The following TRPV2 variants were observed in gnomAD, a reference collection of about 807,000 sequenced individuals.
The protein encoded by TRPV2 is transient receptor potential cation channel subfamily V member 2.
In TRPV2, 58 loss-of-function variants were observed where a neutral mutation model predicts 91.0. That is an observed-to-expected ratio of 0.64 (90% confidence interval 0.52 to 0.79). The LOEUF is 0.79. Ranked by LOEUF, TRPV2 falls within the 30% of genes least tolerant of loss-of-function variation. The pLI is 0.00. For missense variants in TRPV2, 807 were observed against 969.6 expected, an observed-to-expected ratio of 0.83 and a Z score of 2.23; for synonymous variants, 417 against 414.8, an observed-to-expected ratio of 1.01 and a Z score of -0.06.
intron 3 of TRPV2, among the ~76,000 whole-genome samples, chr17:16,420,564 A>G (rs2093352154): frequency 6.6e-6 from 1 of 152,214 alleles, no homozygotes. Context: ...GTTGAGATAT[A>G]ATATATAATG....
rs1416493778 is a variant in TRPV2 at position 16,431,303 on chromosome 17, T to A, written c.1588-481T>A. ...TATATATATACATATTTTTTTTTTT[T>A]TTTTTTTTGAGACGAAGTCTCACTC... On this transcript the variant is annotated intron_variant, in intron 10 of 14. Coordinates refer to ENST00000338560, the MANE Select transcript of TRPV2 (RefSeq NM_016113.5). Among the ~76,000 whole-genome samples, 85 of 126,334 alleles carry A rather than the reference T, an allele frequency of 6.7e-4. 1 individual carries two copies. Among genetic ancestry groups the A allele is most frequent in the Non-Finnish European group, 8.0e-4 (49 of 61,296 alleles). 82.9% of individuals were successfully genotyped at this position (126,334 alleles called of 152,430 possible). A position where few individuals can be genotyped will look rare whatever the true frequency, so the allele number is the denominator to read the frequency against.
intron 2 of TRPV2, 76 bp from the exon 3 acceptor site, chr17:16,420,039 G>T (rs1418729915): frequency 6.4e-7 from 1 of 1,566,812 alleles, no homozygotes; most frequent in Non-Finnish European, 8.7e-7. Flanking sequence ...CCCTGAAAGG[G>T]CTCCCTGGGA....
At chr17:16,423,995 T>C (rs1048420916) in intron 5 of TRPV2, among the ~76,000 whole-genome samples, 5 of 147,222 alleles carry the variant, frequency 3.4e-5, no homozygotes, top group Non-Finnish European at 7.5e-5. Context: ...AACATTGAGA[T>C]TTTTTTTTTT....
intron 10 of TRPV2, 148 bp from the exon 11 acceptor site, chr17:16,431,636 G>A (rs2093413031): frequency 1.4e-6 from 1 of 704,192 alleles, no homozygotes; most frequent in Non-Finnish European, 2.5e-6. Flanking sequence ...CCTCTGCTCG[G>A]TGTGGCTCCA....
chr17:16,433,398 G>A (rs1022249883), intron 12 of TRPV2, 176 bp from the exon 13 acceptor site: 41 of 855,498 alleles, frequency 4.8e-5, no homozygotes, highest in Non-Finnish European at 6.7e-5. Context: ...GAGGCTGAGG[G>A]CCCAACCCCA....
At chr17:16,420,532 T>A (rs755268594) in intron 3 of TRPV2, among the ~76,000 whole-genome samples, 4 of 152,220 alleles carry the variant, frequency 2.6e-5, no homozygotes, top group African/African-American at 4.8e-5. Flanking sequence ...AATCTTTTTT[T>A]ATCTTTTTTA....
Position 16,434,989 on chromosome 17 carries a change from G to C in TRPV2, c.2194+20G>C, listed in dbSNP as rs2093429463. The C allele has an allele frequency of 6.2e-7, 1 of 1,604,466 alleles. No individual in the cohort carries two copies. The highest frequency in any genetic ancestry group is 8.5e-7 in the Non-Finnish European group (1 of 1,174,820). The stretch of plus-strand genomic sequence containing the variant: ...TCCCTCGTGAGTAGCCTGGTGACTA[G>C]AGCCTCTGCCCTGGGGTGTGTGTCT... On this transcript the variant is annotated intron_variant, in intron 14 of 14. Transcript: ENST00000338560.
At position 16,436,847 on chromosome 17, in the gene TRPV2, T is replaced by G. The variant is rs2093435876; in HGVS notation, c.2253T>G (p.Ser751=). 6.2e-7 allele frequency: 1 copy of G among 1,614,024 alleles called. No homozygotes were observed. The highest frequency in any genetic ancestry group is 8.5e-7 in the Non-Finnish European group (1 of 1,180,002). The part of the protein sequence containing the change: ...SPPKEDEDGA[S]EENYVPVQLL... ...CCAAGGAGGATGAGGATGGTGCCTCTGAGGAAAACTATGTGCCCGTCCAGC... is the reference window on the plus strand; with the variant it reads ...CCAAGGAGGATGAGGATGGTGCCTCGGAGGAAAACTATGTGCCCGTCCAGC... The change falls in exon 15 of 15, where the codon TCT becomes TCG. Residue 751 remains serine (S), a synonymous_variant. Coordinates refer to ENST00000338560, the MANE Select transcript of TRPV2 (RefSeq NM_016113.5).
Position 16,428,941 on chromosome 17 carries a change from G to A in TRPV2, c.1546G>A (p.Gly516Ser). 6.2e-7 allele frequency: 1 copy of A among 1,614,166 alleles called. No individual in the cohort carries two copies. The highest frequency in any genetic ancestry group is 8.5e-7 in the Non-Finnish European group (1 of 1,180,044). The stretch of plus-strand genomic sequence containing the variant: ...GCTGAACCTGCTTTACTATACACGT[G>A]GCTTCCAGCACACAGGCATCTACAG... ...GWLNLLYYTR[G>S]FQHTGIYSVM... Residue 516 changes from glycine to serine, a missense_variant, in exon 10 of 15, where the codon GGC becomes AGC. Transcript: ENST00000338560.
chr17:16,433,351 T>C, intron 12 of TRPV2: 1 of 536,534 alleles, frequency 1.9e-6, no homozygotes, highest in Non-Finnish European at 3.3e-6. Context: ...TGAGGCACTT[T>C]GTCCTCAGTC....
intron 2 of TRPV2, 48 bp from the exon 3 acceptor site, chr17:16,420,067 G>A: frequency 1.3e-6 from 2 of 1,591,344 alleles, no homozygotes; most frequent in South Asian, 1.1e-5. Context: ...CTTTTGGGGG[G>A]GCCTGTGGTT....
At chr17:16,429,875 T>G (rs1282796386) in intron 10 of TRPV2, among the ~76,000 whole-genome samples, 1 of 151,648 alleles carries the variant, frequency 6.6e-6, no homozygotes, top group Non-Finnish European at 1.5e-5. Flanking sequence ...CTTTTTTTTT[T>G]TTCTTTGAGA....
chr17:16,417,035 G>T (rs953570845), intron 1 of TRPV2, among the ~76,000 whole-genome samples: 2 of 152,096 alleles, frequency 1.3e-5, no homozygotes, highest in South Asian at 4.1e-4. Context: ...AAAAGTCGGG[G>T]ACAGTCATGG....
intron 10 of TRPV2, among the ~76,000 whole-genome samples, chr17:16,431,311 TGAGA>T (rs2093411683): frequency 9.7e-6 from 1 of 102,692 alleles, no homozygotes; most frequent in East Asian, 2.3e-4. Context: ...TTTTTTTTTT[TGAGA>T]CGAAGTCTCA....
chr17:16,429,669 G>A (rs2093400840), intron 10 of TRPV2, among the ~76,000 whole-genome samples: 1 of 152,148 alleles, frequency 6.6e-6, no homozygotes. Context: ...CACAGCAGTG[G>A]CTGCCACGAG....
chr17:16,425,686 C>T (rs569183730), intron 5 of TRPV2, among the ~76,000 whole-genome samples: 30 of 152,296 alleles, frequency 2.0e-4, no homozygotes, highest in Middle Eastern at 3.4e-3. Flanking sequence ...TGAAACCAGA[C>T]TGCTTCCTAA....
chr17:16,435,962 C>T lies in TRPV2; in HGVS notation c.2195-827C>T, dbSNP rs1402459969. ...CATCTTGCCCCAAGCACTCCACACC[C>T]CACTGCCTGCTGGGGCCTCCAATGT... On this transcript the variant is annotated intron_variant, in intron 14 of 14. Transcript: ENST00000338560. This position sits in a 1 kb window ranked among gnomAD's most constrained non-coding sequence, Gnocchi z 4.2. Among the ~76,000 whole-genome samples the T allele has an allele frequency of 2.0e-5, 3 of 152,184 alleles. No individual in the cohort carries two copies. The East Asian group carries it at 5.8e-4, about 29-fold the overall frequency.
At chr17:16,431,884 C>T (rs1446328734) in intron 11 of TRPV2, 34 bp downstream of exon 11, 1 of 1,613,890 alleles carries the variant, frequency 6.2e-7, no homozygotes, top group Admixed American at 1.7e-5. Flanking sequence ...CCCCCTTCCC[C>T]ACGTTCCTTG....
At chr17:16,431,749 C>T in intron 10 of TRPV2, 35 bp from the exon 11 acceptor site, 2 of 1,607,728 alleles carry the variant, frequency 1.2e-6, no homozygotes, top group Non-Finnish European at 1.7e-6. Flanking sequence ...GGTGGCCCAG[C>T]TACCCACCCT....
Sources: allele counts gnomAD v4.1 joint callset (sites outside exome capture counted in the v4.1 genomes callset), GRCh38; gene constraint gnomAD v4.1.1; non-coding constraint Gnocchi (gnomAD v3.1); transcripts MANE v1.5; gene names NCBI Gene and HGNC (gene_info 2026-07-23, HGNC 2026-07-21).